The following SHE variants were observed in gnomAD, a reference collection of about 807,000 sequenced individuals.
SHE encodes SH2 domain-containing adapter protein E.
Under a neutral mutation model 49.8 loss-of-function variants are expected in SHE, and 11 were observed. The ratio of observed to expected loss-of-function variants is 0.22; its 90% confidence interval spans 0.14 to 0.37. SHE has a LOEUF of 0.37. SHE is among the 10% of genes least tolerant of loss of function. The probability of loss-of-function intolerance (pLI) is 1.00; values close to 1 mark genes in which losing one functional copy is unlikely to be tolerated. For synonymous variants in SHE, 310 were observed against 278.1 expected (o/e 1.11, Z -1.14); for missense variants, 624 against 655.5 (o/e 0.95, Z 0.52).
intron 2 of SHE, 59 bp downstream of exon 2, chr1:154,499,053 T>C (rs1692624468): frequency 1.3e-6 from 2 of 1,594,746 alleles, no homozygotes; most frequent in East Asian, 2.2e-5. Flanking sequence ...GGTTACTATA[T>C]TACAACACTC....
chr1:154,475,436 C>T (rs1272122139), downstream of SHE, among the ~76,000 whole-genome samples: 2 of 152,226 alleles, frequency 1.3e-5, no homozygotes, highest in African/African-American at 2.4e-5. Context: ...ATCCACCTGC[C>T]TCGGCCTCCC....
At chr1:154,489,771 A>G (rs1692307303) in intron 2 of SHE, among the ~76,000 whole-genome samples, 1 of 152,226 alleles carries the variant, frequency 6.6e-6, no homozygotes, top group African/African-American at 2.4e-5. Flanking sequence ...CAGATAAAAG[A>G]ATTGTAATAA....
chr1:154,479,448 C>T (rs2149288623), downstream of SHE: 1 of 956,216 alleles, frequency 1.0e-6, no homozygotes, highest in East Asian at 1.2e-4. Flanking sequence ...AGATGATTCT[C>T]AGAGCTAACT....
Position 154,501,763 on chromosome 1 carries a change from C to G in SHE, c.264G>C (p.Glu88Asp). ...CGACGCCGGCCCTGCCGCTCCCCAG[C>G]TCGGCCGCCGAGTTCTTGCGGCCCT... ...PGKGRKNSAA[E>D]LGSGRAGVGP... The change falls in exon 1 of 6, where the codon GAG (glutamate) becomes GAC (aspartate). Residue 88 changes from glutamate to aspartate, a missense_variant. By Grantham distance (45) the Glu-to-Asp change is conservative (BLOSUM62 2). This residue lies in a region of SHE where 337 missense variants were observed against 306.0 expected (regional missense o/e 1.10). Coordinates refer to ENST00000304760, the MANE Select transcript of SHE (RefSeq NM_001010846.3). The G allele has an allele frequency of 6.4e-7, 1 of 1,567,244 alleles. No individual in the cohort carries two copies. Among genetic ancestry groups the G allele is most frequent in the South Asian group, 1.1e-5 (1 of 87,176 alleles).
At chr1:154,484,440 A>C (rs554829101) in intron 5 of SHE, 105 bp from the exon 6 acceptor site, 1 of 920,712 alleles carries the variant, frequency 1.1e-6, no homozygotes, top group South Asian at 1.6e-5. Context: ...GTTCTCATCC[A>C]TCCCGTAATG....
Position 154,483,999 on chromosome 1 carries a change from A to C in SHE, c.*150T>G. 7.0e-7 allele frequency: 1 copy of C among 1,425,814 alleles called. No individual in the cohort carries two copies. The highest frequency in any genetic ancestry group is 2.5e-5 in the East Asian group (1 of 39,450). The allele number at this position is 1,425,814 out of a possible 1,614,324, so 88.3% of individuals were successfully genotyped here. A position where few individuals can be genotyped will look rare whatever the true frequency, so the allele number is the denominator to read the frequency against. ...GGCAACACAGCGAGACTTCGTCTCA[A>C]ACAAAACAAAACAAATCACTCTCTG... On this transcript the variant is annotated 3_prime_UTR_variant, in exon 6 of 6. Transcript: ENST00000304760.
Position 154,501,788 on chromosome 1 carries a change from T to G in SHE, c.239A>C (p.Lys80Thr), listed in dbSNP as rs771883536. 3.2e-6 allele frequency: 5 copies of G among 1,560,728 alleles called. No homozygotes were observed. In the South Asian group the frequency reaches 5.8e-5, roughly 18 times the overall value. ...EAGGAGPGPG[K>T]GRKNSAAELG... is the part of the protein sequence containing the mutation. ...CTCGGCCGCCGAGTTCTTGCGGCCCTTGCCAGGACCCGGCCCAGCGCCGCC... is the reference window on the plus strand; with the variant it reads ...CTCGGCCGCCGAGTTCTTGCGGCCCGTGCCAGGACCCGGCCCAGCGCCGCC... Residue 80 changes from lysine to threonine, a missense_variant, in exon 1 of 6, where the codon AAG (lysine) becomes ACG (threonine). Physicochemically the swap from Lys to Thr is moderately conservative, Grantham distance 78 (BLOSUM62 -1). Coordinates refer to ENST00000304760, the MANE Select transcript of SHE (RefSeq NM_001010846.3).
intron 5 of SHE, chr1:154,484,698 C>T: frequency 5.4e-6 from 1 of 183,670 alleles, no homozygotes; most frequent in Non-Finnish European, 1.1e-5. Flanking sequence ...CACGGTGGCT[C>T]ACGCCTGTAT....
Position 154,499,171 on chromosome 1 carries a change from T to C in SHE, c.659A>G (p.Glu220Gly). 6.2e-7 allele frequency: 1 copy of C among 1,614,220 alleles called. No individual in the cohort carries two copies. Among genetic ancestry groups the C allele is most frequent in the Non-Finnish European group, 8.5e-7 (1 of 1,180,032 alleles). Residue 220 changes from glutamate to glycine, a missense_variant, in exon 2 of 6, where the codon GAG becomes GGG. By Grantham distance (98) the Glu-to-Gly change is moderately conservative. This residue lies in a region of SHE where 337 missense variants were observed against 306.0 expected (regional missense o/e 1.10). Coordinates refer to ENST00000304760, the MANE Select transcript of SHE (RefSeq NM_001010846.3). Reference protein sequence around the residue: ...AKRTKGQRDAERVGENDGYME... With the variant: ...AKRTKGQRDAGRVGENDGYME... The stretch of plus-strand genomic sequence containing the variant: ...GTAACCGTCGTTCTCTCCGACTCTC[T>C]CTGCATCCCTTTGACCCTTTGTCCG...
At chr1:154,485,477 C>G (rs910837836) in intron 5 of SHE, 1 of 156,770 alleles carries the variant, frequency 6.4e-6, no homozygotes, top group East Asian at 1.8e-4. Flanking sequence ...ACAGAGGGAG[C>G]AACAGGCAAG....
chr1:154,498,967 T>C, intron 2 of SHE, 145 bp downstream of exon 2: 1 of 993,796 alleles, frequency 1.0e-6, no homozygotes, highest in South Asian at 1.8e-5. Flanking sequence ...CGACATTAGT[T>C]TGGGGTCTAA....
chr1:154,477,326 G>T (rs1691900502), downstream of SHE, among the ~76,000 whole-genome samples: 1 of 152,140 alleles, frequency 6.6e-6, no homozygotes, highest in East Asian at 1.9e-4. Flanking sequence ...TTTTGTGTGT[G>T]TGGTAAGAAA....
chr1:154,479,873 A>G lies in SHE; in HGVS notation c.*4276T>C. The G allele has an allele frequency of 3.0e-6, 3 of 985,376 alleles. No homozygotes were observed. Among genetic ancestry groups the G allele is most frequent in the Non-Finnish European group, 3.6e-6 (3 of 829,868 alleles). The allele number at this position is 985,376 out of a possible 1,614,324, so 61.0% of individuals were successfully genotyped here. ...TTAGACTTCAAAACACCCTTTCCGC[A>G]GGAAAGGGCATTTTTCAAGATGGCA... On this transcript the variant is annotated 3_prime_UTR_variant, in exon 6 of 6. Coordinates refer to ENST00000304760, the MANE Select transcript of SHE (RefSeq NM_001010846.3).
Position 154,470,461 on chromosome 1 carries a change from T to A in SHE, c.103-99A>T, listed in dbSNP as rs1354813550. The A allele has an allele frequency of 4.6e-5, 52 of 1,120,124 alleles. 2 individuals carry two copies. In the South Asian group the frequency reaches 6.7e-4, roughly 14 times the overall value. The allele number at this position is 1,120,124 out of a possible 1,614,324, so 69.4% of individuals were successfully genotyped here. Reference sequence around the variant, plus strand: ...CACAGGGCAACCAAACCTTTCTGAATATCTGTGAGAATTACAGGGCAGGGG... The same window carrying A: ...CACAGGGCAACCAAACCTTTCTGAAAATCTGTGAGAATTACAGGGCAGGGG... On this transcript the variant is annotated intron_variant, in intron 1 of 1. Transcript: ENST00000486773.
intron 1 of SHE, 119 bp from the exon 2 acceptor site, chr1:154,499,357 G>C (rs376493090): frequency 9.7e-6 from 11 of 1,131,126 alleles, no homozygotes; most frequent in East Asian, 5.1e-5. Context: ...TCTATAACCA[G>C]TTCCAGATAG....
At position 154,501,390 on chromosome 1, in the gene SHE, G is replaced by A. The variant is rs189824875; in HGVS notation, c.591+46C>T. 105 of 1,583,444 alleles carry A rather than the reference G, an allele frequency of 6.6e-5. No individual in the cohort carries two copies. In the African/African-American group the frequency reaches 1.2e-3, roughly 18 times the overall value. On this transcript the variant is annotated intron_variant, in intron 1 of 5. Coordinates refer to ENST00000304760, the MANE Select transcript of SHE (RefSeq NM_001010846.3). ...GCCTAGGGCTTAGCAGGCGCCCAGGGCTCCCCTTCGACTGAGAGGTGGTCC... is the reference window on the plus strand; with the variant it reads ...GCCTAGGGCTTAGCAGGCGCCCAGGACTCCCCTTCGACTGAGAGGTGGTCC...
intron 1 of SHE, among the ~76,000 whole-genome samples, chr1:154,473,546 T>C (rs1691803951): frequency 6.6e-6 from 1 of 152,060 alleles, no homozygotes; most frequent in African/African-American, 2.4e-5. Context: ...CTCATGCTTG[T>C]AATCCCGGCA....
Position 154,501,771 on chromosome 1 carries a change from C to T in SHE, c.256G>A (p.Ala86Thr). The T allele has an allele frequency of 6.4e-7, 1 of 1,566,078 alleles. No homozygotes were observed. Among genetic ancestry groups the T allele is most frequent in the Non-Finnish European group, 8.6e-7 (1 of 1,162,210 alleles). Reference sequence around the variant, plus strand: ...GCCCTGCCGCTCCCCAGCTCGGCCGCCGAGTTCTTGCGGCCCTTGCCAGGA... The same window carrying T: ...GCCCTGCCGCTCCCCAGCTCGGCCGTCGAGTTCTTGCGGCCCTTGCCAGGA... ...PGPGKGRKNS[A>T]AELGSGRAGV... Residue 86 changes from alanine to threonine, a missense_variant, in exon 1 of 6, where the codon GCG becomes ACG. This residue lies in a region of SHE where 337 missense variants were observed against 306.0 expected (regional missense o/e 1.10). Coordinates refer to ENST00000304760, the MANE Select transcript of SHE (RefSeq NM_001010846.3).
chr1:154,482,561 A>G lies in SHE; in HGVS notation c.*1588T>C. 3 of 985,470 alleles carry G rather than the reference A, an allele frequency of 3.0e-6. No individual in the cohort carries two copies. Among genetic ancestry groups the G allele is most frequent in the Non-Finnish European group, 3.6e-6 (3 of 829,940 alleles). 61.0% of individuals were successfully genotyped at this position (985,470 alleles called of 1,614,324 possible). Reference sequence around the variant, plus strand: ...CAAAGGTTAACTTTTCATTGATGACAGTCAGTACATTTGCATATGGGGCAG... The same window carrying G: ...CAAAGGTTAACTTTTCATTGATGACGGTCAGTACATTTGCATATGGGGCAG... On this transcript the variant is annotated 3_prime_UTR_variant, in exon 6 of 6. Coordinates refer to ENST00000304760, the MANE Select transcript of SHE (RefSeq NM_001010846.3).
Sources: allele counts gnomAD v4.1 joint callset (sites outside exome capture counted in the v4.1 genomes callset), GRCh38; gene constraint gnomAD v4.1.1; regional missense constraint gnomAD v4.1.1; transcripts MANE v1.5; gene names NCBI Gene and HGNC (gene_info 2026-07-23, HGNC 2026-07-21).